The following AP1B1 variants were observed in gnomAD, a reference collection of about 807,000 sequenced individuals.
AP1B1 encodes adaptor related protein complex 1 subunit beta 1.
AP1B1 carries 36 observed loss-of-function variants against 104.3 expected under a neutral mutation model. The ratio of observed to expected loss-of-function variants is 0.35; its 90% CI spans 0.26 to 0.46. The LOEUF (loss-of-function observed/expected upper bound fraction) is 0.46. Among genes scored for constraint, AP1B1 ranks in the 20% least tolerant of loss-of-function variants. The pLI is 1.00. For synonymous variants in AP1B1, 504 were observed against 517.5 expected, an observed-to-expected ratio of 0.97 and a Z score of 0.35; for missense variants, 901 against 1,247.9, an observed-to-expected ratio of 0.72 and a Z score of 4.19.
In AP1B1 at chr22:29,359,914, C is replaced by CA. The variant is rs1167970495; in HGVS notation, c.188dup (p.Glu64GlyfsTer19). 6.2e-7 allele frequency: 1 copy of CA among 1,614,036 alleles called. No individual in the cohort carries two copies. Among genetic ancestry groups the CA allele is most frequent in the East Asian group, 2.2e-5 (1 of 44,886 alleles). Reference sequence around the variant, plus strand: ...AGAGGTATACTAGCTTCTTCAGCTCCAGGTTGTCCGTCTGCATGCAGTTGA... The same window carrying CA: ...AGAGGTATACTAGCTTCTTCAGCTCCAAGGTTGTCCGTCTGCATGCAGTTGA... On this transcript the variant is annotated frameshift_variant, in exon 4 of 23. Coordinates refer to ENST00000357586, the MANE Select transcript of AP1B1 (RefSeq NM_001127.4). LOFTEE classifies it high-confidence loss of function.
chr22:29,368,316 A>C (rs2062176211), intron 1 of AP1B1, among the ~76,000 whole-genome samples: 1 of 152,110 alleles, frequency 6.6e-6, no homozygotes, highest in South Asian at 2.1e-4. Flanking sequence ...AAAAGACAAT[A>C]GGACAAAGAA....
intron 5 of AP1B1, among the ~76,000 whole-genome samples, chr22:29,358,045 A>AGTGCTCCAGTACCCATCCC (rs1398439462): frequency 6.6e-6 from 1 of 152,180 alleles, no homozygotes; most frequent in Non-Finnish European, 1.5e-5. Context: ...TGAACCATCC[A>AGTGCTCCAGTACCCATCCC]GTGCTCCAGT....
rs770315767 is a variant in AP1B1 at position 29,358,890 on chromosome 22, A to T, written c.361T>A (p.Tyr121Asn). Residue 121 changes from tyrosine to asparagine, a missense_variant, in exon 5 of 23, where the codon TAC (tyrosine) becomes AAC (asparagine). Around this residue, in one of 3 missense-constraint regions of AP1B1, gnomAD observed 471 missense variants for 696.7 expected, o/e 0.68. Coordinates refer to ENST00000357586, the MANE Select transcript of AP1B1 (RefSeq NM_001127.4). ...CACTTCCGGAGTGGCTCGCACAGGT[A>T]CTCTGTGATCTTGTCAACGCGGATG... ...GCIRVDKITE[Y>N]LCEPLRKCLK... 6.2e-7 allele frequency: 1 copy of T among 1,613,446 alleles called. No homozygotes were observed. The highest frequency in any genetic ancestry group is 1.3e-5 in the African/African-American group (1 of 74,906).
intron 1 of AP1B1, among the ~76,000 whole-genome samples, chr22:29,372,713 T>G (rs2062261500): frequency 6.6e-6 from 1 of 152,150 alleles, no homozygotes. Flanking sequence ...CTCAATATTT[T>G]TCAAATTTTG....
intron 1 of AP1B1, among the ~76,000 whole-genome samples, chr22:29,376,552 G>A (rs1030164346): frequency 1.3e-5 from 2 of 152,122 alleles, no homozygotes; most frequent in East Asian, 3.8e-4. Flanking sequence ...TTTGGTACTG[G>A]AACTGCCACT....
At chr22:29,344,514 ATTTTTTTT>A (rs35466454) in intron 11 of AP1B1, among the ~76,000 whole-genome samples, 4 of 93,798 alleles carry the variant, frequency 4.3e-5, no homozygotes, top group East Asian at 3.0e-4. Flanking sequence ...CCTGGCCAAG[ATTTTTTTT>A]TTTTTTTTTT....
Position 29,329,003 on chromosome 22 carries a change from C to T in AP1B1, c.2776-108G>A, listed in dbSNP as rs535912012. 5.3e-6 allele frequency: 8 copies of T among 1,508,802 alleles called. No individual in the cohort carries two copies. The African/African-American group carries it at 9.6e-5, about 18-fold the overall frequency. 93.5% of individuals were successfully genotyped at this position (1,508,802 alleles called of 1,614,324 possible). On this transcript the variant is annotated intron_variant, in intron 22 of 22. Transcript: ENST00000357586. The stretch of plus-strand genomic sequence containing the variant: ...GGAACCAATGGGACAGCGTGGAGTG[C>T]ACACAGCCTGGCGGCAGCTGCGCCT...
intron 22 of AP1B1, 62 bp downstream of exon 22, chr22:29,329,650 G>A (rs111588517): frequency 0.022 from 35,687 of 1,609,762 alleles, 484 homozygotes; most frequent in South Asian, 0.042. Context: ...GGGTGCATGG[G>A]GGCCATGACA....
chr22:29,351,518 A>T, intron 8 of AP1B1, 187 bp downstream of exon 8: 1 of 892,362 alleles, frequency 1.1e-6, no homozygotes, highest in Non-Finnish European at 1.7e-6. Flanking sequence ...AACATGGAGA[A>T]ACATTCTTTA....
intron 15 of AP1B1, 107 bp downstream of exon 15, chr22:29,339,646 AG>A: frequency 1.7e-6 from 2 of 1,189,632 alleles, no homozygotes; most frequent in East Asian, 2.5e-5. Flanking sequence ...GGGGCTCAGC[AG>A]GTGGAGGCTG....
chr22:29,371,390 G>C (rs2062234210), intron 1 of AP1B1, among the ~76,000 whole-genome samples: 1 of 152,196 alleles, frequency 6.6e-6, no homozygotes, highest in Non-Finnish European at 1.5e-5. Context: ...CAAAGGGGCT[G>C]AGACCTTGTT....
rs150811545 is a variant in AP1B1 at position 29,363,594 on chromosome 22, G to A, written c.38-488C>T. On this transcript the variant is annotated intron_variant, in intron 2 of 22. Transcript: ENST00000357586. ...ATCCGGGAGGTGGAGGTTGCAGTGA[G>A]GCAAGATGGCGCCACTGCACTCCAG... Among the ~76,000 whole-genome samples the A allele has an allele frequency of 3.8e-3, 578 of 152,050 alleles. 2 individuals carry two copies. The highest frequency in any genetic ancestry group is 0.013 in the African/African-American group (536 of 41,428).
At chr22:29,366,924 C>G (rs950165865) in intron 2 of AP1B1, among the ~76,000 whole-genome samples, 2 of 151,522 alleles carry the variant, frequency 1.3e-5, no homozygotes, top group African/African-American at 4.9e-5. Flanking sequence ...TTTTCTTTCC[C>G]CTGGAAAAAA....
At chr22:29,332,068 T>C in intron 17 of AP1B1, 152 bp from the exon 18 acceptor site, 1 of 725,368 alleles carries the variant, frequency 1.4e-6, no homozygotes. Flanking sequence ...GACAGAAGGA[T>C]GGGCTGTGGG....
At chr22:29,360,695 C>A (rs1276578103) in intron 3 of AP1B1, among the ~76,000 whole-genome samples, 3 of 152,196 alleles carry the variant, frequency 2.0e-5, no homozygotes, top group African/African-American at 4.8e-5. Flanking sequence ...AAATAACCTG[C>A]CTGGAGGAAT....
At chr22:29,365,600 A>G (rs2148017632) in intron 2 of AP1B1, among the ~76,000 whole-genome samples, 1 of 152,100 alleles carries the variant, frequency 6.6e-6, no homozygotes, top group Non-Finnish European at 1.5e-5. Context: ...GTACCTCTCC[A>G]ATTGCTTTCT....
chr22:29,334,217 C>G (rs753180745), intron 17 of AP1B1, 48 bp downstream of exon 17: 5 of 1,520,720 alleles, frequency 3.3e-6, no homozygotes, highest in Non-Finnish European at 4.4e-6. Flanking sequence ...AGTGGGTTCT[C>G]TCACAGGCCT....
At chr22:29,382,803 A>T (rs1017244315) in intron 1 of AP1B1, among the ~76,000 whole-genome samples, 10 of 152,150 alleles carry the variant, frequency 6.6e-5, no homozygotes, top group African/African-American at 2.4e-4. Flanking sequence ...TGAGTGAGCA[A>T]TGAGGAAAAC....
chr22:29,340,402 G>C (rs1171676116), intron 14 of AP1B1, among the ~76,000 whole-genome samples: 1 of 152,124 alleles, frequency 6.6e-6, no homozygotes, highest in Non-Finnish European at 1.5e-5. Flanking sequence ...GGGACTCGAA[G>C]GTTCAACAAG....
Sources: gnomAD v4.1 joint callset for allele counts (sites outside exome capture counted in the v4.1 genomes callset) on GRCh38, gnomAD v4.1.1 for gene constraint, gnomAD v4.1.1 regional missense constraint, MANE v1.5 for transcripts, NCBI Gene and HGNC (gene_info 2026-07-23, HGNC 2026-07-21) for gene names.